Variants in HPSE2 observed in about 807,000 individuals in gnomAD.
The protein encoded by HPSE2 is inactive heparanase-2.
In HPSE2, 38 loss-of-function variants were observed where a neutral mutation model predicts 60.5. The ratio of observed to expected loss-of-function variants is 0.63; its 90% CI spans 0.48 to 0.82. HPSE2 has a LOEUF of 0.82. Ranked by LOEUF, HPSE2 falls within the 40% of genes least tolerant of loss-of-function variation. The pLI is 0.00. For synonymous variants in HPSE2, 295 were observed against 293.2 expected (o/e 1.01, Z -0.06); for missense variants, 713 against 740.4 (o/e 0.96, Z 0.43).
intron 3 of HPSE2, among the ~76,000 whole-genome samples, chr10:98,768,790 G>A (rs1447959722): frequency 1.3e-5 from 2 of 152,226 alleles, no homozygotes; most frequent in East Asian, 3.9e-4. Context: ...GGTGGCCCAC[G>A]CCTGTAATCC....
At chr10:98,542,125 CA>C (rs1943491583) in intron 9 of HPSE2, among the ~76,000 whole-genome samples, 1 of 152,050 alleles carries the variant, frequency 6.6e-6, no homozygotes, top group South Asian at 2.1e-4. Context: ...TCCTCTGAGA[CA>C]AAACTTCCAG....
At chr10:98,530,013 C>A (rs1430331036) in intron 9 of HPSE2, among the ~76,000 whole-genome samples, 6 of 152,248 alleles carry the variant, frequency 3.9e-5, no homozygotes, top group Non-Finnish European at 4.4e-5. Flanking sequence ...TGACTGGAGT[C>A]ATCCCTGCTG....
intron 9 of HPSE2, among the ~76,000 whole-genome samples, chr10:98,540,724 C>G (rs184353689): frequency 6.6e-6 from 1 of 152,098 alleles, no homozygotes; most frequent in African/African-American, 2.4e-5. Flanking sequence ...GAAGGTTAAA[C>G]AGCAAGAAAA....
intron 2 of HPSE2, among the ~76,000 whole-genome samples, chr10:99,206,663 A>T (rs1848759736): frequency 1.3e-5 from 2 of 152,144 alleles, no homozygotes; most frequent in South Asian, 4.1e-4. Context: ...AAACAAATGA[A>T]ATCTGGAAAC....
At chr10:99,105,061 T>TA (rs56694752) in intron 3 of HPSE2, among the ~76,000 whole-genome samples, 67,843 of 138,012 alleles carry the variant, frequency 0.49, 17,833 homozygotes, top group Non-Finnish European at 0.62. Context: ...TAAAATATAA[T>TA]AAAAAAAAAA....
At chr10:99,041,466 T>A (rs1240523027) in intron 3 of HPSE2, among the ~76,000 whole-genome samples, 2 of 152,008 alleles carry the variant, frequency 1.3e-5, no homozygotes, top group Admixed American at 6.6e-5. Context: ...TGGGCAATCC[T>A]CCCAACCCCC....
intron 3 of HPSE2, among the ~76,000 whole-genome samples, chr10:99,093,064 C>T (rs886183747): frequency 5.9e-5 from 9 of 152,190 alleles, no homozygotes; most frequent in African/African-American, 2.2e-4. Flanking sequence ...CGCATCTCTA[C>T]TAAAATACAA....
the HPSE2 span, among the ~76,000 whole-genome samples, chr10:99,246,129 A>G: frequency 6.6e-6 from 1 of 152,272 alleles, no homozygotes; most frequent in Admixed American, 6.5e-5. Flanking sequence ...GTTGATGCCT[A>G]TAAGATAGTT....
intron 11 of HPSE2, among the ~76,000 whole-genome samples, chr10:98,476,478 A>AAAAAAG (rs1473222242): frequency 1.3e-5 from 2 of 151,612 alleles, no homozygotes; most frequent in East Asian, 3.9e-4. Flanking sequence ...TAATAATAAT[A>AAAAAAG]AAAAAGAAAA....
intron 11 of HPSE2, chr10:98,461,625 A>G: frequency 1.6e-6 from 1 of 629,566 alleles, no homozygotes; most frequent in Non-Finnish European, 2.8e-6. Context: ...TCACCCAGAT[A>G]TAAGCACAGT....
At chr10:98,771,342 T>G (rs1369344823) in intron 3 of HPSE2, among the ~76,000 whole-genome samples, 6 of 152,182 alleles carry the variant, frequency 3.9e-5, no homozygotes, top group Non-Finnish European at 8.8e-5. Flanking sequence ...CCCATTTAGA[T>G]GGATTTCAGC....
intron 3 of HPSE2, among the ~76,000 whole-genome samples, chr10:99,139,484 TGAAAA>T (rs1845786167): frequency 6.7e-6 from 1 of 149,130 alleles, no homozygotes; most frequent in Non-Finnish European, 1.5e-5. Context: ...AAACTAAAAC[TGAAAA>T]GAGAGGTTAA....
At chr10:98,809,458 T>C (rs1283595470) in intron 3 of HPSE2, among the ~76,000 whole-genome samples, 1 of 152,128 alleles carries the variant, frequency 6.6e-6, no homozygotes. Context: ...TTAAGTGAGA[T>C]AGCAACTTGA....
chr10:99,065,272 C>G (rs1394125773), intron 3 of HPSE2, among the ~76,000 whole-genome samples: 1 of 151,964 alleles, frequency 6.6e-6, no homozygotes, highest in African/African-American at 2.4e-5. Context: ...CAGCAGTATC[C>G]AAAACTATTG....
At chr10:98,945,191 G>C (rs1417324073) in intron 3 of HPSE2, among the ~76,000 whole-genome samples, 2 of 152,104 alleles carry the variant, frequency 1.3e-5, no homozygotes, top group Non-Finnish European at 2.9e-5. Flanking sequence ...AATTTACTTT[G>C]GCTGGATTTC....
At chr10:99,260,795 G>A in the HPSE2 span, among the ~76,000 whole-genome samples, 3 of 152,092 alleles carry the variant, frequency 2.0e-5, no homozygotes, top group East Asian at 1.9e-4. Context: ...CCCCTTCTCC[G>A]TGTCTCTGCC....
At position 98,838,531 on chromosome 10, in the gene HPSE2, C is replaced by T. The variant is rs181768256; in HGVS notation, c.611-94475G>A. On this transcript the variant is annotated intron_variant, in intron 3 of 11. Transcript: ENST00000370552. ...TCTCAAACTACTGGGCTCAATTGAT[C>T]CCCCTGCATCAGTCCCCCGAGTAGC... Among the ~76,000 whole-genome samples, 171 of 151,098 alleles carry T rather than the reference C, an allele frequency of 1.1e-3. 3 individuals carry two copies. Among genetic ancestry groups the T allele is most frequent in the African/African-American group, 3.9e-3 (159 of 41,174 alleles).
At chr10:99,132,107 C>T (rs1349644105) in intron 3 of HPSE2, among the ~76,000 whole-genome samples, 5 of 141,598 alleles carry the variant, frequency 3.5e-5, no homozygotes, top group South Asian at 2.4e-4. Context: ...AGGGAAATTC[C>T]GTCTTAAAAA....
intron 9 of HPSE2, among the ~76,000 whole-genome samples, chr10:98,496,281 T>G (rs1396258433): frequency 6.6e-6 from 1 of 151,364 alleles, no homozygotes; most frequent in African/African-American, 2.4e-5. Context: ...AGGAGGAGAG[T>G]AAAAAAACAA....
Sources: allele counts gnomAD v4.1 joint callset (sites outside exome capture counted in the v4.1 genomes callset), GRCh38; gene constraint gnomAD v4.1.1; transcripts MANE v1.5; gene names NCBI Gene and HGNC (gene_info 2026-07-23, HGNC 2026-07-21).